Variants in CLASRP observed in about 807,000 individuals in gnomAD.
CLASRP encodes the protein CLK4-associating serine/arginine rich protein.
CLASRP carries 52 observed loss-of-function variants against 99.9 expected under a neutral mutation model. The ratio of observed to expected loss-of-function variants is 0.52; its 90% CI spans 0.42 to 0.66. The LOEUF is 0.66. Among genes scored for constraint, CLASRP ranks in the 30% least tolerant of loss-of-function variants. CLASRP has a pLI of 0.00. For missense variants in CLASRP, 848 were observed against 999.2 expected (o/e 0.85, Z 2.04); for synonymous variants, 379 against 373.0 (o/e 1.02, Z -0.18).
intron 8 of CLASRP, among the ~76,000 whole-genome samples, 170 bp downstream of exon 8, chr19:45,059,534 T>A (rs1966892268): frequency 6.6e-6 from 1 of 152,164 alleles, no homozygotes; most frequent in African/African-American, 2.4e-5. Context: ...GTGGCCCCAC[T>A]TCATCTGTGC....
Position 45,064,420 on chromosome 19 carries a change from C to CCCGCTCTCG in CLASRP, c.1203_1211dup (p.Ser402_Arg404dup). On this transcript the variant is annotated inframe_insertion, in exon 13 of 21. Coordinates refer to ENST00000221455, the MANE Select transcript of CLASRP (RefSeq NM_007056.3). ...TCCCGCTCCAGCTCTCGCTCCAGCT[C>CCCGCTCTCG]CCGCTCTCGCCGTGGTGGGGGCTAC... 3.9e-6 allele frequency: 6 copies of CCCGCTCTCG among 1,529,148 alleles called. No homozygotes were observed. Among genetic ancestry groups the CCCGCTCTCG allele is most frequent in the Non-Finnish European group, 5.3e-6 (6 of 1,140,090 alleles). 94.7% of individuals were successfully genotyped at this position (1,529,148 alleles called of 1,614,324 possible).
chr19:45,065,613 C>T (rs1448176350), intron 13 of CLASRP, among the ~76,000 whole-genome samples: 3 of 151,258 alleles, frequency 2.0e-5, no homozygotes, highest in African/African-American at 7.3e-5. Context: ...TGGTGAGAGG[C>T]TAGCTCTAGG....
In CLASRP at chr19:45,067,392, C is replaced by T; in HGVS notation, c.1465C>T (p.His489Tyr). ...GCGGGGCGGCCGGGGCCTCAGGCAC[C>T]ACAGCAGTAGCCGCAGCCGCAGCAG... ...YRRGGRGLRH[H>Y]SSSRSRSSWS... is the part of the protein sequence containing the mutation. The change falls in exon 14 of 21, where the codon CAC (histidine) becomes TAC (tyrosine). Residue 489 changes from histidine to tyrosine, a missense_variant. By Grantham distance (83) the His-to-Tyr change is moderately conservative. This residue lies in a region of CLASRP where 489 missense variants were observed against 434.7 expected (regional missense o/e 1.12). Transcript: ENST00000221455. The surrounding 1 kb of genome is among the most constrained non-coding windows in gnomAD (Gnocchi z 4.9). 1 of 1,534,834 alleles carries T rather than the reference C, an allele frequency of 6.5e-7. No individual in the cohort carries two copies. The highest frequency in any genetic ancestry group is 2.4e-5 in the East Asian group (1 of 40,884).
At chr19:45,059,613 C>T (rs2304195) in intron 8 of CLASRP, among the ~76,000 whole-genome samples, 81,109 of 152,002 alleles carry the variant, frequency 0.53, 21,962 homozygotes, top group African/African-American at 0.62. Flanking sequence ...TCTGACTCTT[C>T]GAAGCTCTGG....
At position 45,051,820 on chromosome 19, in the gene CLASRP, T is replaced by C. The variant is rs565722981; in HGVS notation, c.100-251T>C. ...TGTCTCTACTAAAAACACAAAAAAT[T>C]AGTCGGGCATGGTGGCGGGCGCCTG... On this transcript the variant is annotated intron_variant, in intron 2 of 20. Transcript: ENST00000221455. Among the ~76,000 whole-genome samples the C allele has an allele frequency of 6.6e-5, 10 of 152,052 alleles. No homozygotes were observed. The East Asian group carries it at 1.9e-3, about 29-fold the overall frequency.
At chr19:45,044,667 G>T (rs1256144376) in intron 2 of CLASRP, among the ~76,000 whole-genome samples, 2 of 152,192 alleles carry the variant, frequency 1.3e-5, no homozygotes, top group Admixed American at 1.3e-4. Context: ...TACTTGGGAG[G>T]CTGAGGCAAG....
intron 5 of CLASRP, among the ~76,000 whole-genome samples, chr19:45,053,466 A>G (rs528408896): frequency 6.6e-6 from 1 of 152,004 alleles, no homozygotes; most frequent in Non-Finnish European, 1.5e-5. Context: ...TAGCAAGAAT[A>G]TGTTTTTATT....
chr19:45,057,765 G>A lies in CLASRP; in HGVS notation c.480G>A (p.Lys160=). ...CCTTTCTCAGGCTGGCAGAGAAGAA[G>A]GCTTCCATCGGTTATACCTACGAGG... ...EDEKKKLAEK[K]ASIGYTYEDS... The change falls in exon 7 of 21, where the codon AAG becomes AAA. Residue 160 remains lysine, a synonymous_variant. Coordinates refer to ENST00000221455, the MANE Select transcript of CLASRP (RefSeq NM_007056.3). 6.2e-7 allele frequency: 1 copy of A among 1,614,030 alleles called. No homozygotes were observed. Among genetic ancestry groups the A allele is most frequent in the Non-Finnish European group, 8.5e-7 (1 of 1,179,924 alleles).
At chr19:45,055,570 C>G (rs1972105179) in intron 5 of CLASRP, among the ~76,000 whole-genome samples, 1 of 152,214 alleles carries the variant, frequency 6.6e-6, no homozygotes, top group Admixed American at 6.5e-5. Context: ...CACGGTGGCT[C>G]ATGCATATAA....
At chr19:45,068,311 T>TCCCCCCC (rs1310198710) in intron 15 of CLASRP, 109 bp from the exon 16 acceptor site, 8 of 544,604 alleles carry the variant, frequency 1.5e-5, no homozygotes, top group African/African-American at 5.3e-5. Flanking sequence ...CACGTCGTTC[T>TCCCCCCC]CCCCCCCCCA....
chr19:45,070,652 T>C (rs1967219739), intron 20 of CLASRP, 91 bp downstream of exon 20: 1 of 1,359,856 alleles, frequency 7.4e-7, no homozygotes, highest in Admixed American at 1.7e-5. Context: ...CCTCACCCTG[T>C]ACCCACCTCC....
At chr19:45,066,014 C>T (rs1409227307) in intron 13 of CLASRP, among the ~76,000 whole-genome samples, 1 of 152,188 alleles carries the variant, frequency 6.6e-6, no homozygotes, top group Non-Finnish European at 1.5e-5. Flanking sequence ...AGCACATGTT[C>T]CCTCCAGTCG....
chr19:45,068,140 C>G (rs576812777), intron 15 of CLASRP, 86 bp downstream of exon 15: 7 of 1,226,014 alleles, frequency 5.7e-6, no homozygotes, highest in African/African-American at 3.0e-5. Context: ...CAGGGGGGCC[C>G]GGGTGGGCTG....
chr19:45,053,476 TTTTA>T (rs1276514745), intron 5 of CLASRP, among the ~76,000 whole-genome samples: 1 of 152,112 alleles, frequency 6.6e-6, no homozygotes, highest in Non-Finnish European at 1.5e-5. Context: ...ATGTTTTTAT[TTTTA>T]TTTATTTATT....
At chr19:45,050,837 C>A (rs1972009644) in intron 2 of CLASRP, among the ~76,000 whole-genome samples, 1 of 151,978 alleles carries the variant, frequency 6.6e-6, no homozygotes, top group Admixed American at 6.6e-5. Flanking sequence ...TTGCCTCAGC[C>A]TCCCAAATAG....
At chr19:45,039,875 C>A (rs548080932) in intron 1 of CLASRP, 1 of 212,224 alleles carries the variant, frequency 4.7e-6, no homozygotes, top group African/African-American at 2.3e-5. Context: ...GACCCTACTT[C>A]AAACACTGCT....
At chr19:45,041,577 CA>C (rs1418484833) in intron 2 of CLASRP, among the ~76,000 whole-genome samples, 1 of 152,200 alleles carries the variant, frequency 6.6e-6, no homozygotes, top group Non-Finnish European at 1.5e-5. Context: ...ATTACTGCCC[CA>C]GCCTCCTCCC....
At chr19:45,040,150 A>T in intron 1 of CLASRP, 34 bp from the exon 2 acceptor site, 1 of 1,257,636 alleles carries the variant, frequency 8.0e-7, no homozygotes, top group African/African-American at 1.5e-5. Flanking sequence ...GGTTTCACAG[A>T]CCATCTGACT....
chr19:45,070,132 T>C, intron 19 of CLASRP, 28 bp downstream of exon 19: 1 of 1,375,076 alleles, frequency 7.3e-7, no homozygotes, highest in South Asian at 1.2e-5. Flanking sequence ...GCTGCAGGGC[T>C]CTGGGGCTTT....
Sources: gnomAD v4.1 joint callset for allele counts (sites outside exome capture counted in the v4.1 genomes callset) on GRCh38, gnomAD v4.1.1 for gene constraint, gnomAD v4.1.1 regional missense constraint, Gnocchi (gnomAD v3.1) non-coding constraint, MANE v1.5 for transcripts, NCBI Gene and HGNC (gene_info 2026-07-23, HGNC 2026-07-21) for gene names.